TMEM231: variants seen among roughly 807,000 people sequenced by gnomAD.
TMEM231 encodes transmembrane protein 231.
A neutral mutation model predicts 38.5 loss-of-function variants in TMEM231; 40 were observed. That is an observed-to-expected ratio of 1.04 (90% confidence interval 0.81 to 1.35). TMEM231 has a LOEUF of 1.35. TMEM231 is among the 40% of genes most tolerant of loss of function. TMEM231 has a pLI of 0.00. For missense variants in TMEM231, 420 were observed against 416.9 expected (o/e 1.01, Z -0.07); for synonymous variants, 199 against 181.7 (o/e 1.10, Z -0.77).
chr16:75,555,622 A>C (rs1306052744), intron 2 of TMEM231, 182 bp downstream of exon 2: 2 of 572,944 alleles, frequency 3.5e-6, no homozygotes, highest in African/African-American at 3.9e-5. Flanking sequence ...GAGAAGCAGA[A>C]TGAAACAGAA....
At chr16:75,548,368 T>C (rs987704298) in intron 2 of TMEM231, among the ~76,000 whole-genome samples, 2 of 152,214 alleles carry the variant, frequency 1.3e-5, no homozygotes, top group African/African-American at 2.4e-5. Context: ...TAGTGTCTAC[T>C]TGTTAAATTC....
At chr16:75,544,493 C>T (rs899846775) in intron 4 of TMEM231, among the ~76,000 whole-genome samples, 6 of 151,376 alleles carry the variant, frequency 4.0e-5, no homozygotes, top group Non-Finnish European at 7.4e-5. Flanking sequence ...AGGGAGCAAG[C>T]GGGGGCAGTG....
chr16:75,554,545 CAA>C (rs1185694717), intron 2 of TMEM231, among the ~76,000 whole-genome samples: 12 of 94,100 alleles, frequency 1.3e-4, no homozygotes, highest in South Asian at 2.9e-4. Context: ...GACTGTGTCT[CAA>C]AAAAAAAAAA....
intron 4 of TMEM231, among the ~76,000 whole-genome samples, chr16:75,543,446 T>C (rs990178651): frequency 1.8e-4 from 28 of 152,192 alleles, no homozygotes; most frequent in African/African-American, 6.0e-4. Context: ...GGCATATGGC[T>C]GTAATCCCAG....
At chr16:75,541,320 T>C in intron 6 of TMEM231, 30 bp downstream of exon 6, 4 of 1,542,930 alleles carry the variant, frequency 2.6e-6, no homozygotes, top group Non-Finnish European at 3.5e-6. Context: ...ACATCCAGCC[T>C]TAACATGGAC....
At chr16:75,546,347 T>A (rs918970288) in intron 2 of TMEM231, among the ~76,000 whole-genome samples, 1 of 152,252 alleles carries the variant, frequency 6.6e-6, no homozygotes, top group Non-Finnish European at 1.5e-5. Flanking sequence ...TCTATGTCTC[T>A]AGAAGTCAAC....
chr16:75,540,364 C>A (rs866507863), intron 6 of TMEM231, among the ~76,000 whole-genome samples, 190 bp from the exon 7 acceptor site: 1 of 152,190 alleles, frequency 6.6e-6, no homozygotes, highest in Admixed American at 6.5e-5. Flanking sequence ...TATTTATATA[C>A]CAAGCCTGAT....
intron 4 of TMEM231, among the ~76,000 whole-genome samples, chr16:75,544,949 C>CTTCTTTTTTTTTTTTTTT (rs2080666559): frequency 2.2e-5 from 2 of 89,622 alleles, no homozygotes; most frequent in Non-Finnish European, 4.8e-5. Flanking sequence ...TTTTCTTTTT[C>CTTCTTTTTTTTTTTTTTT]TTTTTTTTTT....
At chr16:75,554,482 T>G (rs1398087468) in intron 2 of TMEM231, among the ~76,000 whole-genome samples, 2 of 146,026 alleles carry the variant, frequency 1.4e-5, no homozygotes, top group Admixed American at 6.9e-5. Flanking sequence ...GGAGGCAGAG[T>G]TGCAGTGAGC....
At chr16:75,547,560 C>T (rs2080708117) in intron 2 of TMEM231, among the ~76,000 whole-genome samples, 1 of 151,728 alleles carries the variant, frequency 6.6e-6, no homozygotes, top group South Asian at 2.1e-4. Context: ...CCTTGCGGAT[C>T]ATGAGGTCAG....
chr16:75,542,619 G>A lies in TMEM231; in HGVS notation c.647C>T (p.Ala216Val), dbSNP rs1393288948. The A allele has an allele frequency of 1.2e-6, 2 of 1,613,770 alleles. No individual in the cohort carries two copies. The highest frequency in any genetic ancestry group is 2.7e-5 in the African/African-American group (2 of 74,986). Residue 216 changes from alanine (A) to valine (V), a missense_variant, in exon 5 of 7, where the codon GCC becomes GTC. Transcript: ENST00000258173. ...TGACTCACCGTTCCTCTCCTGGTAG[G>A]CAGCAACAATATGGGTGAGGTCGTA... is the stretch of plus-strand genomic sequence containing the variant. The part of the protein sequence containing the change: ...YDYDLTHIVA[A>V]YQERNVTTVL...
rs1366978667 is a variant in TMEM231, at chr16:75,539,173, G to A, written c.*821C>T. On this transcript the variant is annotated 3_prime_UTR_variant, in exon 7 of 7. Coordinates refer to ENST00000258173, the MANE Select transcript of TMEM231 (RefSeq NM_001077418.3). ...AGGAGGAGGAGGGCCAAGTGCCCAG[G>A]CTGTTGGGTGAGGGCCAGAAAGAAC... 6.6e-6 allele frequency: 1 copy of A among 151,798 alleles called. No individual in the cohort carries two copies. The highest frequency in any genetic ancestry group is 1.5e-5 in the Non-Finnish European group (1 of 67,928). 9.4% of individuals were successfully genotyped at this position (151,798 alleles called of 1,614,324 possible).
intron 4 of TMEM231, among the ~76,000 whole-genome samples, chr16:75,543,992 G>A (rs1035275686): frequency 2.0e-5 from 3 of 152,246 alleles, no homozygotes; most frequent in Admixed American, 6.5e-5. Flanking sequence ...AAATAAAAGT[G>A]AGGAATGAGT....
At position 75,539,867 on chromosome 16, in the gene TMEM231, T is replaced by G; in HGVS notation, c.*127A>C. 2 of 737,096 alleles carry G rather than the reference T, an allele frequency of 2.7e-6. No individual in the cohort carries two copies. The highest frequency in any genetic ancestry group is 4.3e-6 in the Non-Finnish European group (2 of 466,082). 45.7% of individuals were successfully genotyped at this position (737,096 alleles called of 1,614,324 possible). A position where few individuals can be genotyped will look rare whatever the true frequency, so the allele number is the denominator to read the frequency against. On this transcript the variant is annotated 3_prime_UTR_variant, in exon 7 of 7. Coordinates refer to ENST00000258173, the MANE Select transcript of TMEM231 (RefSeq NM_001077418.3). ...TGTAGAGCAAAACCGGAAAGAACCGTTGTCTCTGAGGGAAAAGCACACAAG... is the reference window on the plus strand; with the variant it reads ...TGTAGAGCAAAACCGGAAAGAACCGGTGTCTCTGAGGGAAAAGCACACAAG...
At chr16:75,545,241 T>G in intron 4 of TMEM231, 111 bp downstream of exon 4, 3 of 1,443,680 alleles carry the variant, frequency 2.1e-6, no homozygotes, top group Non-Finnish European at 9.4e-7. Flanking sequence ...ATTACAGGTA[T>G]GAGCCACTGC....
chr16:75,541,673 G>C (rs765892410), intron 5 of TMEM231: 5 of 339,768 alleles, frequency 1.5e-5, no homozygotes, highest in Non-Finnish European at 2.7e-5. Flanking sequence ...AACTTGGAAA[G>C]AGTTTCTTCT....
intron 2 of TMEM231, among the ~76,000 whole-genome samples, chr16:75,552,319 T>A (rs1160818921): frequency 6.6e-6 from 1 of 151,964 alleles, no homozygotes; most frequent in Non-Finnish European, 1.5e-5. Context: ...CCAGGCGTAG[T>A]GGCAGGAGCC....
chr16:75,556,135 C>T lies in TMEM231; in HGVS notation c.75G>A (p.Leu25=). 1 of 1,579,570 alleles carries T rather than the reference C, an allele frequency of 6.3e-7. No individual in the cohort carries two copies. The highest frequency in any genetic ancestry group is 1.2e-5 in the South Asian group (1 of 86,542). ...YRAGLCSKAA[L]FLLLAAALTY... ...TGAGCGCAGCGGCCAGCAGCAGGAA[C>T]AGCGCGGCTTTGGAGCAGAGCCCCG... The change falls in exon 1 of 7, where the codon CTG becomes CTA. Residue 25 remains leucine (L), a synonymous_variant. Coordinates refer to ENST00000258173, the MANE Select transcript of TMEM231 (RefSeq NM_001077418.3).
intron 6 of TMEM231, 97 bp downstream of exon 6, chr16:75,541,253 C>A: frequency 1.5e-6 from 1 of 675,584 alleles, no homozygotes; most frequent in Admixed American, 3.5e-5. Context: ...CTCCTGGGTT[C>A]AAATGATCCT....
Sources: allele counts gnomAD v4.1 joint callset (sites outside exome capture counted in the v4.1 genomes callset), GRCh38; gene constraint gnomAD v4.1.1; transcripts MANE v1.5; gene names NCBI Gene and HGNC (gene_info 2026-07-23, HGNC 2026-07-21).